The following GNL3L variants were observed in gnomAD, a reference collection of about 807,000 sequenced individuals.
The protein encoded by GNL3L is G protein nucleolar 3 like.
In GNL3L, 4 loss-of-function variants were observed where a neutral mutation model predicts 42.9. That is an observed-to-expected ratio of 0.09 (90% CI 0.05 to 0.21). The LOEUF is 0.21. GNL3L is among the 10% of genes least tolerant of loss of function. GNL3L has a pLI of 1.00. For missense variants in GNL3L, 412 were observed against 481.7 expected (o/e 0.86, Z 1.36); for synonymous variants, 159 against 176.3 (o/e 0.90, Z 0.78).
At chrX:54,636,318 CAAGTA>C in the GNL3L span, among the ~76,000 whole-genome samples, 1 of 112,146 alleles carries the variant, frequency 8.9e-6, no homozygotes, top group Non-Finnish European at 1.9e-5. Context: ...GGGGCAAGAG[CAAGTA>C]AATATGCCAT....
intron 13 of GNL3L, among the ~76,000 whole-genome samples, chrX:54,552,655 G>A (rs768792252): frequency 3.6e-5 from 4 of 111,867 alleles, no homozygotes; most frequent in African/African-American, 1.3e-4. Flanking sequence ...GGTAAATAAC[G>A]AAAGAAAAAG....
chrX:54,618,042 G>C (rs899959117), intron 16 of GNL3L, among the ~76,000 whole-genome samples: 1 of 109,214 alleles, frequency 9.2e-6, no homozygotes, highest in Non-Finnish European at 1.9e-5. Flanking sequence ...AAAAAATTTA[G>C]CTCTCAGTTA....
chrX:54,584,874 C>T (rs1305585865), intron 16 of GNL3L, among the ~76,000 whole-genome samples: 1 of 112,442 alleles, frequency 8.9e-6, no homozygotes, highest in East Asian at 2.8e-4. Flanking sequence ...CAACCTCTGC[C>T]TCCTGGGTTC....
At chrX:54,576,176 G>T (rs1227551559) in intron 16 of GNL3L, among the ~76,000 whole-genome samples, 1 of 111,639 alleles carries the variant, frequency 9.0e-6, no homozygotes, top group East Asian at 2.8e-4. Context: ...AATTCTGTCA[G>T]TTTTCTTCAT....
At chrX:54,641,854 A>C in the GNL3L span, among the ~76,000 whole-genome samples, 1 of 111,746 alleles carries the variant, frequency 8.9e-6, no homozygotes, top group South Asian at 3.9e-4. Context: ...AATCAGGTCA[A>C]GTGCCTGTTA....
chrX:54,634,820 C>G, the GNL3L span, among the ~76,000 whole-genome samples: 5 of 65,502 alleles, frequency 7.6e-5, no homozygotes, highest in South Asian at 1.0e-3. Flanking sequence ...GATGGAGTCT[C>G]GCTCTGTCAC....
chrX:54,624,596 C>T (rs186545335), downstream of GNL3L, among the ~76,000 whole-genome samples: 636 of 108,810 alleles, frequency 5.8e-3, 6 homozygotes, highest in African/African-American at 0.021. Context: ...CACCACTACA[C>T]CTGGCTATTT....
At chrX:54,601,206 G>A (rs1211796453) in intron 16 of GNL3L, among the ~76,000 whole-genome samples, 1 of 109,745 alleles carries the variant, frequency 9.1e-6, no homozygotes, top group East Asian at 2.9e-4. Flanking sequence ...TGAGTTGGGG[G>A]CATATGAGAA....
intron 16 of GNL3L, among the ~76,000 whole-genome samples, chrX:54,611,323 T>C (rs1926159254): frequency 8.9e-6 from 1 of 111,885 alleles, no homozygotes; most frequent in Admixed American, 9.5e-5. Flanking sequence ...TTATCTTTTG[T>C]ATTTTTTGTT....
At chrX:54,590,769 A>G (rs1471219507) in intron 16 of GNL3L, among the ~76,000 whole-genome samples, 1 of 110,921 alleles carries the variant, frequency 9.0e-6, no homozygotes, top group African/African-American at 3.3e-5. Flanking sequence ...TTATGTATTT[A>G]TTTATTTATT....
At position 54,567,206 on chromosome X, in the gene GNL3L, CT is replaced by C. The variant is rs1925456374; in HGVS notation, c.*6611del. On this transcript the variant is annotated 3_prime_UTR_variant, in exon 16 of 16. Transcript: ENST00000360845. ...TGCTAAAGTCACTTAGTTCTAGTAG[CT>C]TTTTTTGCAGATTTAACCAGACTTT... Among the ~76,000 whole-genome samples the C allele has an allele frequency of 8.9e-6, 1 of 111,869 alleles. No homozygotes were observed. Among genetic ancestry groups the C allele is most frequent in the Admixed American group, 9.5e-5 (1 of 10,477 alleles).
chrX:54,558,661 A>T lies in GNL3L; in HGVS notation c.1666+6A>T. The T allele has an allele frequency of 1.7e-6, 2 of 1,156,918 alleles. No homozygotes were observed. The highest frequency in any genetic ancestry group is 2.3e-6 in the Non-Finnish European group (2 of 851,719). On this transcript the variant is annotated splice_donor_region_variant and intron_variant, in intron 15 of 15. Coordinates refer to ENST00000360845, the MANE Select transcript of GNL3L (RefSeq NM_001184819.2). ...GAAGATGCAGAAACGTGCAGGTGGGAGCCCCAGACCAACCCTGTGCTCTGA... is the reference window on the plus strand; with the variant it reads ...GAAGATGCAGAAACGTGCAGGTGGGTGCCCCAGACCAACCCTGTGCTCTGA...
At chrX:54,576,363 T>C (rs1187270671) in intron 16 of GNL3L, among the ~76,000 whole-genome samples, 5 of 112,420 alleles carry the variant, frequency 4.4e-5, no homozygotes, top group Non-Finnish European at 9.4e-5. Context: ...GGTATATCTT[T>C]TACTGTCAAC....
At chrX:54,580,461 C>T (rs562001033) in intron 16 of GNL3L, among the ~76,000 whole-genome samples, 4 of 110,725 alleles carry the variant, frequency 3.6e-5, no homozygotes, top group South Asian at 3.9e-4. Flanking sequence ...AATAAACATA[C>T]GTGTGCATGT....
Position 54,561,683 on chromosome X carries a change from T to C in GNL3L, c.*1081T>C, listed in dbSNP as rs2147498743. Reference sequence around the variant, plus strand: ...TGCCCTTGTGTGACCATGTCTCCTATTGCACCAGCATTTGAATTCCATGGC... The same window carrying C: ...TGCCCTTGTGTGACCATGTCTCCTACTGCACCAGCATTTGAATTCCATGGC... On this transcript the variant is annotated 3_prime_UTR_variant, in exon 16 of 16. Transcript: ENST00000360845. Among the ~76,000 whole-genome samples, 1 of 112,152 alleles carries C rather than the reference T, an allele frequency of 8.9e-6. No individual in the cohort carries two copies. Among genetic ancestry groups the C allele is most frequent in the South Asian group, 3.7e-4 (1 of 2,716 alleles).
intron 4 of GNL3L, 90 bp downstream of exon 4, chrX:54,540,332 T>A (rs991416600): frequency 3.5e-6 from 2 of 568,486 alleles, no homozygotes; most frequent in Non-Finnish European, 6.1e-6. Context: ...AGGCAAGAGT[T>A]GTTAGGGTTG....
Position 54,607,065 on chromosome X carries a change from TTTCTTTCTCTTTCTTTC to T in GNL3L, c.*46-13771_*46-13755del, listed in dbSNP as rs1569542618. On this transcript the variant is annotated intron_variant, in intron 16 of 16. Coordinates refer to the GNL3L transcript ENST00000674498. ...CTTTCTTTCTTTCTTTCTTTCTTTCTTTCTTTCTCTTTCTTTCTTCTTTCTTTCTTTCTTTCTTTCTT... is the reference window on the plus strand; with the variant it reads ...CTTTCTTTCTTTCTTTCTTTCTTTCTTTCTTTCTTTCTTTCTTTCTTTCTT... Among the ~76,000 whole-genome samples, 89 of 64,267 alleles carry T rather than the reference TTTCTTTCTCTTTCTTTC, an allele frequency of 1.4e-3. 2 individuals carry two copies. Among genetic ancestry groups the T allele is most frequent in the African/African-American group, 6.8e-3 (65 of 9,508 alleles). 55.8% of individuals were successfully genotyped at this position (64,267 alleles called of 115,157 possible). A position where few individuals can be genotyped will look rare whatever the true frequency, so the allele number is the denominator to read the frequency against.
At chrX:54,639,517 A>G in the GNL3L span, among the ~76,000 whole-genome samples, 19,019 of 111,211 alleles carry the variant, frequency 0.17, 2,777 homozygotes, top group African/African-American at 0.49. Flanking sequence ...GGAGGCCAAA[A>G]GAGTCGGAAA....
chrX:54,540,019 A>G (rs1330458310), intron 3 of GNL3L, 116 bp from the exon 4 acceptor site: 4 of 493,199 alleles, frequency 8.1e-6, no homozygotes, highest in Non-Finnish European at 1.5e-5. Context: ...GGATTGAGAG[A>G]TAGAAGGGGC....
Sources: allele counts gnomAD v4.1 joint callset (sites outside exome capture counted in the v4.1 genomes callset), GRCh38; gene constraint gnomAD v4.1.1; transcripts MANE v1.5; gene names NCBI Gene and HGNC (gene_info 2026-07-23, HGNC 2026-07-21).